Variants in TTC19 observed in about 807,000 individuals in gnomAD.
TTC19 encodes tetratricopeptide repeat protein 19, mitochondrial.
TTC19 carries 38 observed loss-of-function variants against 49.5 expected under a neutral mutation model. The observed-to-expected ratio is 0.77, with a 90% CI of 0.59 to 1.01. TTC19 has a LOEUF of 1.01. Ranked by LOEUF, TTC19 falls within the 50% of genes least tolerant of loss-of-function variation. TTC19 has a pLI of 0.00. For missense variants in TTC19, 475 were observed against 477.7 expected, an observed-to-expected ratio of 0.99 and a Z score of 0.05; for synonymous variants, 204 against 185.2, an observed-to-expected ratio of 1.10 and a Z score of -0.83.
intron 7 of TTC19, among the ~76,000 whole-genome samples, chr17:16,018,450 G>T (rs1162674936): frequency 6.6e-6 from 1 of 152,086 alleles, no homozygotes; most frequent in African/African-American, 2.4e-5. Flanking sequence ...TTCTTCAGTT[G>T]ATATTCCACA....
At chr17:16,015,103 T>C (rs8076502) in intron 7 of TTC19, among the ~76,000 whole-genome samples, 3,731 of 152,314 alleles carry the variant, frequency 0.024, 163 homozygotes, top group African/African-American at 0.085. Flanking sequence ...ATCGCAGGAT[T>C]GTTATTAATG....
intron 7 of TTC19, among the ~76,000 whole-genome samples, chr17:16,007,158 T>C (rs1055969840): frequency 1.3e-5 from 2 of 152,228 alleles, no homozygotes; most frequent in Non-Finnish European, 2.9e-5. Context: ...TCAACTCTTC[T>C]GTACCTAGTG....
At chr17:16,003,947 C>A (rs1970818339) in intron 5 of TTC19, 60 bp downstream of exon 5, 1 of 1,542,678 alleles carries the variant, frequency 6.5e-7, no homozygotes. Context: ...AGTCTTGTCT[C>A]CTGAAAACTC....
At chr17:16,016,671 C>A (rs1332169938) in intron 7 of TTC19, among the ~76,000 whole-genome samples, 1 of 150,884 alleles carries the variant, frequency 6.6e-6, no homozygotes, top group African/African-American at 2.4e-5. Flanking sequence ...GATTCTTGCA[C>A]TTCAGCCTCC....
intron 2 of TTC19, among the ~76,000 whole-genome samples, chr17:16,037,810 C>T (rs1249769364): frequency 6.6e-6 from 1 of 152,200 alleles, no homozygotes; most frequent in South Asian, 2.1e-4. Context: ...AGCAGAATTT[C>T]ACAGAAGTGA....
In TTC19 at chr17:16,000,113, C is replaced by T. The variant is rs1297026837; in HGVS notation, c.185-5C>T. On this transcript the variant is annotated splice_region_variant and splice_polypyrimidine_tract_variant and intron_variant, in intron 1 of 9. Transcript: ENST00000261647. ...GCCCGATGACCTCAGAGCCCCTTCC[C>T]GCAGCGCTCGCCTGGTTCTCGAGGC... The T allele has an allele frequency of 6.5e-7, 1 of 1,544,474 alleles. No individual in the cohort carries two copies. The highest frequency in any genetic ancestry group is 1.9e-5 in the Admixed American group (1 of 52,592).
At position 16,028,840 on chromosome 17, in the gene TTC19, A is replaced by AAAAAAAAC. The variant is rs1555531006; in HGVS notation, c.*1324_*1325insACAAAAAA. The AAAAAAAAC allele has an allele frequency of 1.5e-4, 57 of 378,662 alleles. 1 individual carries two copies. Among genetic ancestry groups the AAAAAAAAC allele is most frequent in the Middle Eastern group, 9.3e-4 (1 of 1,080 alleles). The allele number at this position is 378,662 out of a possible 1,614,324, so 23.5% of individuals were successfully genotyped here. On this transcript the variant is annotated 3_prime_UTR_variant, in exon 10 of 10. Transcript: ENST00000261647. Reference sequence around the variant, plus strand: ...TCTCAAAAAAAAAAAAAAAAAAAAAAAAAAAACTTTCTGAAGAAAATAAAA... The same window carrying AAAAAAAAC: ...TCTCAAAAAAAAAAAAAAAAAAAAAAAAAAAAACAAAAAACTTTCTGAAGAAAATAAAA...
At chr17:16,030,514 A>G (rs1454838259), downstream of TTC19, 1 of 196,816 alleles carries the variant, frequency 5.1e-6, no homozygotes, top group African/African-American at 2.3e-5. Flanking sequence ...ATTCAGCAGA[A>G]AACTGTGAAG....
chr17:16,032,415 C>T (rs1251666331), downstream of TTC19: 6 of 1,613,918 alleles, frequency 3.7e-6, no homozygotes, highest in East Asian at 8.9e-5. Flanking sequence ...GGAGCACATG[C>T]AATCGGTGTT....
chr17:16,008,631 A>G (rs1427123062), intron 7 of TTC19, among the ~76,000 whole-genome samples: 1 of 152,058 alleles, frequency 6.6e-6, no homozygotes. Flanking sequence ...CACCTCTTCC[A>G]TGCCATCTGC....
intron 7 of TTC19, among the ~76,000 whole-genome samples, chr17:16,008,227 A>T (rs971175273): frequency 2.0e-5 from 3 of 152,204 alleles, no homozygotes; most frequent in African/African-American, 7.2e-5. Flanking sequence ...TGGCAGACTT[A>T]TAATTATGAT....
chr17:16,034,915 T>C, intron 2 of TTC19: 1 of 1,614,162 alleles, frequency 6.2e-7, no homozygotes, highest in Non-Finnish European at 8.5e-7. Flanking sequence ...CTGTTTGACT[T>C]GCTGATCAGC....
At chr17:16,044,555 A>AGGCCCT (rs1003419182) in exon 3 of TTC19, 7 of 507,260 alleles carry the variant, frequency 1.4e-5, no homozygotes, top group Non-Finnish European at 2.4e-5. Flanking sequence ...CGTTGGGATG[A>AGGCCCT]GGCCCTCACT....
chr17:16,030,139 AAAGT>A (rs1383752798), downstream of TTC19: 6 of 189,092 alleles, frequency 3.2e-5, no homozygotes, highest in Non-Finnish European at 4.4e-5. Flanking sequence ...TTCTTACAAT[AAAGT>A]AAGCTAGAGA....
intron 2 of TTC19, among the ~76,000 whole-genome samples, chr17:16,041,727 T>A (rs1434959785): frequency 6.6e-6 from 1 of 151,618 alleles, no homozygotes; most frequent in Non-Finnish European, 1.5e-5. Context: ...AATGTGAAAT[T>A]AATTAATTTA....
Position 16,028,423 on chromosome 17 carries a change from C to T in TTC19, c.*901C>T, listed in dbSNP as rs1567589761. The T allele has an allele frequency of 2.2e-6, 1 of 454,016 alleles. No homozygotes were observed. Among genetic ancestry groups the T allele is most frequent in the Non-Finnish European group, 4.4e-6 (1 of 226,766 alleles). 28.1% of individuals were successfully genotyped at this position (454,016 alleles called of 1,614,324 possible). ...CTGGATCTTAGTCCTAGCCTTTTTG[C>T]TTTTGCAATTTCAGTATCTTCATCT... On this transcript the variant is annotated 3_prime_UTR_variant, in exon 10 of 10. Coordinates refer to ENST00000261647, the MANE Select transcript of TTC19 (RefSeq NM_017775.4).
At chr17:16,044,168 C>CAAAAAAAAAAAAA (rs34691717) in intron 2 of TTC19, among the ~76,000 whole-genome samples, 6 of 82,732 alleles carry the variant, frequency 7.3e-5, no homozygotes, top group Non-Finnish European at 1.2e-4. Context: ...GACTCCATCT[C>CAAAAAAAAAAAAA]AAAAAAAAAA....
intron 7 of TTC19, among the ~76,000 whole-genome samples, chr17:16,007,746 G>A (rs1970954538): frequency 6.6e-6 from 1 of 152,128 alleles, no homozygotes; most frequent in African/African-American, 2.4e-5. Context: ...ATTTCTTCAT[G>A]CCACCCAGAA....
chr17:16,018,190 T>C (rs1971270917), intron 7 of TTC19, among the ~76,000 whole-genome samples: 1 of 152,240 alleles, frequency 6.6e-6, no homozygotes, highest in African/African-American at 2.4e-5. Context: ...GATGCTTTGC[T>C]GGACTCAGAA....
Sources: allele counts gnomAD v4.1 joint callset (sites outside exome capture counted in the v4.1 genomes callset), GRCh38; gene constraint gnomAD v4.1.1; transcripts MANE v1.5; gene names NCBI Gene and HGNC (gene_info 2026-07-23, HGNC 2026-07-21).